CLSTN2: variants seen among roughly 807,000 people sequenced by gnomAD.
CLSTN2 encodes the protein calsyntenin 2.
In CLSTN2, 48 loss-of-function variants were observed where a neutral mutation model predicts 101.2. The observed-to-expected ratio is 0.47, with a 90% CI of 0.38 to 0.60. The LOEUF is 0.60. Among genes scored for constraint, CLSTN2 ranks in the 20% least tolerant of loss-of-function variants. The pLI is 0.00. For synonymous variants in CLSTN2, 481 were observed against 463.6 expected, an observed-to-expected ratio of 1.04 and a Z score of -0.48; for missense variants, 1,160 against 1,238.2, an observed-to-expected ratio of 0.94 and a Z score of 0.95.
chr3:140,164,094 G>C (rs115576370), intron 1 of CLSTN2, among the ~76,000 whole-genome samples: 5 of 152,192 alleles, frequency 3.3e-5, no homozygotes, highest in African/African-American at 7.2e-5. Flanking sequence ...AAAATATTTT[G>C]TGTAAAAAAT....
intron 2 of CLSTN2, among the ~76,000 whole-genome samples, chr3:140,298,776 A>G (rs759068258): frequency 3.9e-5 from 6 of 152,240 alleles, no homozygotes; most frequent in African/African-American, 7.2e-5. Context: ...TACAAGAATG[A>G]GAACAGAATG....
At chr3:140,205,731 T>C (rs952700674) in intron 2 of CLSTN2, among the ~76,000 whole-genome samples, 3 of 151,496 alleles carry the variant, frequency 2.0e-5, no homozygotes, top group African/African-American at 2.4e-5. Flanking sequence ...TCTATGATGA[T>C]TGAGCCCCTA....
chr3:140,222,770 G>A (rs916532333), intron 2 of CLSTN2, among the ~76,000 whole-genome samples: 2 of 150,770 alleles, frequency 1.3e-5, no homozygotes, highest in African/African-American at 4.9e-5. Context: ...CCACTACCCT[G>A]ATGTGATTAT....
intron 1 of CLSTN2, among the ~76,000 whole-genome samples, chr3:140,038,594 G>A (rs539538340): frequency 2.5e-4 from 38 of 151,858 alleles, no homozygotes; most frequent in Non-Finnish European, 3.8e-4. Flanking sequence ...TGCTTTTGGC[G>A]TTTTTGTCAT....
intron 2 of CLSTN2, among the ~76,000 whole-genome samples, chr3:140,233,156 C>T (rs2086385671): frequency 6.6e-6 from 1 of 152,164 alleles, no homozygotes; most frequent in Non-Finnish European, 1.5e-5. Flanking sequence ...CTCCCCAGCA[C>T]CCCACTTTTC....
Position 140,067,424 on chromosome 3 carries a change from C to A in CLSTN2, c.110-108527C>A, listed in dbSNP as rs182372209. 2.6e-3 allele frequency among the ~76,000 whole-genome samples: 394 copies of A among 152,260 alleles called. 3 individuals carry two copies. Among genetic ancestry groups the A allele is most frequent in the Non-Finnish European group, 2.2e-3 (151 of 68,022 alleles). ...CCCCATGGTCTCTGCAGTTCTGTGC[C>A]GATATTGCCCCTGTAGCTCCAAGGA... On this transcript the variant is annotated intron_variant, in intron 1 of 16. Coordinates refer to ENST00000458420, the MANE Select transcript of CLSTN2 (RefSeq NM_022131.3).
At chr3:140,430,471 G>A (rs781359184) in intron 5 of CLSTN2, among the ~76,000 whole-genome samples, 2 of 152,210 alleles carry the variant, frequency 1.3e-5, no homozygotes, top group Non-Finnish European at 2.9e-5. Context: ...CTTAGTGCAT[G>A]TAGATAAAGA....
At chr3:139,972,273 A>G (rs1011759967) in intron 1 of CLSTN2, among the ~76,000 whole-genome samples, 7 of 152,062 alleles carry the variant, frequency 4.6e-5, no homozygotes, top group Non-Finnish European at 7.4e-5. Flanking sequence ...CAAAAAAAAA[A>G]AAGTTTGATA....
chr3:140,226,544 ATTC>A (rs1432972471), intron 2 of CLSTN2, among the ~76,000 whole-genome samples: 1 of 152,232 alleles, frequency 6.6e-6, no homozygotes, highest in East Asian at 1.9e-4. Context: ...TCATTATAGA[ATTC>A]TTTTAATTTT....
chr3:140,320,838 C>G (rs1481870998), intron 2 of CLSTN2, among the ~76,000 whole-genome samples: 2 of 151,994 alleles, frequency 1.3e-5, no homozygotes, highest in Non-Finnish European at 2.9e-5. Context: ...ACATAGACAG[C>G]GGCAGTGAGG....
chr3:140,321,731 C>T (rs1227125443), intron 2 of CLSTN2, among the ~76,000 whole-genome samples: 1 of 152,178 alleles, frequency 6.6e-6, no homozygotes. Context: ...CATGATTCCT[C>T]AGCCCCACAA....
At chr3:139,961,867 T>C (rs992716323) in intron 1 of CLSTN2, among the ~76,000 whole-genome samples, 2 of 152,294 alleles carry the variant, frequency 1.3e-5, no homozygotes, top group African/African-American at 4.8e-5. Context: ...TTTCTATGCA[T>C]ATTTTTACAT....
intron 2 of CLSTN2, among the ~76,000 whole-genome samples, chr3:140,342,808 C>A (rs2087505308): frequency 6.6e-6 from 1 of 152,164 alleles, no homozygotes; most frequent in African/African-American, 2.4e-5. Context: ...AAAGCTGGGA[C>A]TGTGGCCAGA....
At chr3:140,159,006 T>A (rs1576449735) in intron 1 of CLSTN2, among the ~76,000 whole-genome samples, 1 of 152,154 alleles carries the variant, frequency 6.6e-6, no homozygotes, top group African/African-American at 2.4e-5. Context: ...GACCCCTACC[T>A]TTTACCATGT....
At chr3:140,169,543 T>C (rs1013491611) in intron 1 of CLSTN2, among the ~76,000 whole-genome samples, 5 of 152,184 alleles carry the variant, frequency 3.3e-5, no homozygotes, top group Non-Finnish European at 7.4e-5. Flanking sequence ...GTATTCTTCC[T>C]GTTCTTGGAA....
chr3:140,232,468 C>T (rs549013971), intron 2 of CLSTN2, among the ~76,000 whole-genome samples: 47 of 151,770 alleles, frequency 3.1e-4, no homozygotes, highest in African/African-American at 1.1e-3. Flanking sequence ...GGACTCTCTG[C>T]TCTTCTTTCC....
chr3:140,464,110 T>A (rs1250218231), intron 7 of CLSTN2, among the ~76,000 whole-genome samples: 1 of 152,050 alleles, frequency 6.6e-6, no homozygotes, highest in East Asian at 1.9e-4. Flanking sequence ...CGTTGGAAAA[T>A]GAAAAACTCT....
intron 2 of CLSTN2, among the ~76,000 whole-genome samples, chr3:140,176,758 G>A (rs181464295): frequency 6.6e-6 from 1 of 152,338 alleles, no homozygotes; most frequent in East Asian, 1.9e-4. Flanking sequence ...AGTGGGAGGA[G>A]GGATTAGACA....
intron 1 of CLSTN2, among the ~76,000 whole-genome samples, chr3:140,123,017 A>T (rs1002578097): frequency 3.3e-5 from 5 of 151,992 alleles, no homozygotes; most frequent in African/African-American, 1.2e-4. Flanking sequence ...AACATTTCTA[A>T]GACTGTGTAA....
Sources: allele counts gnomAD v4.1 joint callset (sites outside exome capture counted in the v4.1 genomes callset), GRCh38; gene constraint gnomAD v4.1.1; transcripts MANE v1.5; gene names NCBI Gene and HGNC (gene_info 2026-07-23, HGNC 2026-07-21).